The following TNXB variants were observed in gnomAD, a reference collection of about 807,000 sequenced individuals.
TNXB encodes tenascin-X.
A neutral mutation model predicts 340.5 loss-of-function variants in TNXB; 183 were observed. That is an observed-to-expected ratio of 0.54 (90% CI 0.48 to 0.61). The LOEUF (loss-of-function observed/expected upper bound fraction) is 0.61. Ranked by LOEUF, TNXB falls within the 20% of genes least tolerant of loss-of-function variation. The pLI is 0.00. For synonymous variants in TNXB, 2,121 were observed against 2,314.5 expected (o/e 0.92, Z 2.40); for missense variants, 4,613 against 5,446.4 (o/e 0.85, Z 4.82).
At chr6:32,098,267 C>T (rs552607122) in intron 1 of TNXB, 61 bp from the exon 2 acceptor site, 8 of 1,358,138 alleles carry the variant, frequency 5.9e-6, no homozygotes, top group Non-Finnish European at 7.8e-6. Flanking sequence ...TGAATCCCCC[C>T]TTCTCCAGCA....
In TNXB at chr6:32,046,333, T is replaced by C; in HGVS notation, c.10448A>G (p.Tyr3483Cys). 6.2e-7 allele frequency: 1 copy of C among 1,606,076 alleles called. No homozygotes were observed. Residue 3483 changes from tyrosine (Y) to cysteine (C), a missense_variant, in exon 31 of 44, where the codon TAC becomes TGC. Tyr to Cys is a radical substitution (Grantham distance 194). This residue lies in a region of TNXB where 4,327 missense variants were observed against 4,859.4 expected (regional missense o/e 0.89). Transcript: ENST00000644971. This position sits in a 1 kb window ranked among gnomAD's most constrained non-coding sequence, Gnocchi z 6.9. ...CCTGGGCTGCCCGTCCGTGTCCCTG[T>C]ACTGGACCACGAAGGAGTCAAAGGG... ...QGPFDSFVVQ[Y>C]RDTDGQPRAV...
rs117186058 is a variant in TNXB, at chr6:32,048,087, C to T, written c.10046-75G>A. 2.0e-3 allele frequency: 3,036 copies of T among 1,514,516 alleles called. 97 individuals carry two copies. In the East Asian group the frequency reaches 0.064, roughly 32 times the overall value. The allele number at this position is 1,514,516 out of a possible 1,614,324, so 93.8% of individuals were successfully genotyped here. A position where few individuals can be genotyped will look rare whatever the true frequency, so the allele number is the denominator to read the frequency against. On this transcript the variant is annotated intron_variant, in intron 29 of 43. Coordinates refer to ENST00000644971, the MANE Select transcript of TNXB (RefSeq NM_001365276.2). ...CACGGAGCTTCCTGGGCTGCTATGGCTCTGTGAGCCGGTCCCAGGAACGGG... is the reference window on the plus strand; with the variant it reads ...CACGGAGCTTCCTGGGCTGCTATGGTTCTGTGAGCCGGTCCCAGGAACGGG...
rs1582472478 is a variant in TNXB, at chr6:32,095,936, G to A, written c.1917C>T (p.Asp639=). Residue 639 remains aspartate, a synonymous_variant, in exon 3 of 44, where the codon GAC becomes GAT. Transcript: ENST00000644971. ...GRCEEGRCLC[D]PGYTGPTCAT... ...CACAGGTAGGGCCGGTGTAGCCTGG[G>A]TCGCACAGGCAGCGCCCTTCCTCAC... The A allele has an allele frequency of 6.2e-7, 1 of 1,612,996 alleles. No homozygotes were observed.
rs1301445797 is a variant in TNXB, at chr6:32,064,511, G to T, written c.6841+310C>A. On this transcript the variant is annotated intron_variant, in intron 19 of 43. Coordinates refer to ENST00000644971, the MANE Select transcript of TNXB (RefSeq NM_001365276.2). This position sits in a 1 kb window ranked among gnomAD's most constrained non-coding sequence, Gnocchi z 5.3. ...TTACAGGCATGAGCCACCGTGCCCA[G>T]ACAGGTTGTGTGAGTCTCTTGAGGA... 6.6e-6 allele frequency among the ~76,000 whole-genome samples: 1 copy of T among 152,174 alleles called. No homozygotes were observed. Among genetic ancestry groups the T allele is most frequent in the Non-Finnish European group, 1.5e-5 (1 of 68,032 alleles).
In TNXB at chr6:32,096,485, G is replaced by A; in HGVS notation, c.1368C>T (p.Tyr456=). ...TGCGCACACCGCAGTCCTCGCCGCT[G>A]TAGCCCGCATTGCAAACACACACGC... ...ENGVCVCNAG[Y]SGEDCGVRSC... is the part of the protein sequence containing the mutation. Residue 456 remains tyrosine, a synonymous_variant, in exon 3 of 44, where the codon TAC becomes TAT. Transcript: ENST00000644971. The A allele has an allele frequency of 6.2e-7, 1 of 1,600,704 alleles. No individual in the cohort carries two copies. The highest frequency in any genetic ancestry group is 1.7e-5 in the Admixed American group (1 of 59,882).
In TNXB at chr6:32,042,720, C is replaced by T. The variant is rs755749283; in HGVS notation, c.12037G>A (p.Val4013Met). Residue 4013 changes from valine (V) to methionine (M), a missense_variant, in exon 39 of 44, where the codon GTG (valine) becomes ATG (methionine). Around this residue, in one of 7 missense-constraint regions of TNXB, gnomAD observed 121 missense variants for 177.4 expected, o/e 0.68. Transcript: ENST00000644971. ...GTACCCGTGGTGAAAGAGGTGGACACGGGCGGCAGGAGGCTCTGGCCCCAC... is the reference window on the plus strand; with the variant it reads ...GTACCCGTGGTGAAAGAGGTGGACATGGGCGGCAGGAGGCTCTGGCCCCAC... ...AMWGQSLLPPVSTSFTTGGLR... is the reference protein window; with the variant it reads ...AMWGQSLLPPMSTSFTTGGLR... 43 of 1,023,970 alleles carry T rather than the reference C, an allele frequency of 4.2e-5. No individual in the cohort carries two copies. Among genetic ancestry groups the T allele is most frequent in the South Asian group, 1.8e-4 (13 of 73,842 alleles). The allele number at this position is 1,023,970 out of a possible 1,614,324, so 63.4% of individuals were successfully genotyped here.
Position 32,067,132 on chromosome 6 carries a change from GAAGAAAGAAAGAAAGA to G in TNXB, c.6544+513_6544+528del, listed in dbSNP as rs9281648. On this transcript the variant is annotated intron_variant, in intron 18 of 43. Coordinates refer to ENST00000644971, the MANE Select transcript of TNXB (RefSeq NM_001365276.2). The surrounding 1 kb of genome is among the most constrained non-coding windows in gnomAD (Gnocchi z 4.2). Reference sequence around the variant, plus strand: ...AAGAAAGAGAAAGAAAGAAAGGAAGGAAGAAAGAAAGAAAGAAAGAAAGAAAGAAAGAAAGAAAGAA... The same window carrying G: ...AAGAAAGAGAAAGAAAGAAAGGAAGGAAGAAAGAAAGAAAGAAAGAAAGAA... Among the ~76,000 whole-genome samples, 4,369 of 118,042 alleles carry G rather than the reference GAAGAAAGAAAGAAAGA, an allele frequency of 0.037. 134 individuals carry two copies. Among genetic ancestry groups the G allele is most frequent in the East Asian group, 0.075 (304 of 4,068 alleles). The allele number at this position is 118,042 out of a possible 152,430, so 77.4% of individuals were successfully genotyped here.
rs1399927093 is a variant in TNXB at position 32,057,737 on chromosome 6, AC to A, written c.7825+320del. Among the ~76,000 whole-genome samples the A allele has an allele frequency of 5.9e-5, 9 of 151,994 alleles. No individual in the cohort carries two copies. In the East Asian group the frequency reaches 1.7e-3, roughly 29 times the overall value. On this transcript the variant is annotated intron_variant, in intron 22 of 43. Transcript: ENST00000644971. ...CAGCTGTGATTATCTGACACACTTC[AC>A]CTTCTCTCTAAAGCTGTCACCAAGC...
In TNXB at chr6:32,079,333, G is replaced by A. The variant is rs748677323; in HGVS notation, c.4075C>T (p.Pro1359Ser). Residue 1359 changes from proline (P) to serine (S), a missense_variant, in exon 11 of 44, where the codon CCC (proline) becomes TCC (serine). By Grantham distance (74) the Pro-to-Ser change is moderately conservative (BLOSUM62 -1). Coordinates refer to ENST00000644971, the MANE Select transcript of TNXB (RefSeq NM_001365276.2). This position sits in a 1 kb window ranked among gnomAD's most constrained non-coding sequence, Gnocchi z 7.1. ...PQEDVDETPSPTELGTEAPES... is the reference protein window; with the variant it reads ...PQEDVDETPSSTELGTEAPES... ...GGGGCCTCCGTGCCCAGTTCTGTGG[G>A]GCTGGGGGTCTCGTCCACATCCTCC... 3 of 1,610,830 alleles carry A rather than the reference G, an allele frequency of 1.9e-6. No homozygotes were observed. Among genetic ancestry groups the A allele is most frequent in the Admixed American group, 3.3e-5 (2 of 59,816 alleles).
At chr6:32,098,549 C>T (rs1332168725) in intron 1 of TNXB, among the ~76,000 whole-genome samples, 1 of 152,152 alleles carries the variant, frequency 6.6e-6, no homozygotes, top group Non-Finnish European at 1.5e-5. Flanking sequence ...GGTGCGATCT[C>T]AGCTCACCAC....
chr6:32,064,140 G>C lies in TNXB; in HGVS notation c.6841+681C>G, dbSNP rs11753763. On this transcript the variant is annotated intron_variant, in intron 19 of 43. Transcript: ENST00000644971. The surrounding 1 kb of genome is among the most constrained non-coding windows in gnomAD (Gnocchi z 5.3). Reference sequence around the variant, plus strand: ...AGCCACACTCCCGCCCACCCTTCACGACAGGTATGGTTATTCCTTCTTTAC... The same window carrying C: ...AGCCACACTCCCGCCCACCCTTCACCACAGGTATGGTTATTCCTTCTTTAC... Among the ~76,000 whole-genome samples, 738 of 152,278 alleles carry C rather than the reference G, an allele frequency of 4.8e-3. 4 individuals carry two copies. Among genetic ancestry groups the C allele is most frequent in the Middle Eastern group, 0.021 (6 of 292 alleles).
chr6:32,057,883 C>T (rs1039786076), intron 22 of TNXB, among the ~76,000 whole-genome samples, 175 bp downstream of exon 22: 3 of 152,194 alleles, frequency 2.0e-5, no homozygotes, highest in Admixed American at 6.5e-5. Flanking sequence ...GCTCACCCGC[C>T]TTTGCTTCAT....
intron 29 of TNXB, 69 bp downstream of exon 29, chr6:32,048,294 G>A (rs1777027241): frequency 2.1e-6 from 3 of 1,438,832 alleles, no homozygotes; most frequent in African/African-American, 2.8e-5. Flanking sequence ...GGCACAGAAC[G>A]TGAAATTCCA....
Position 32,049,646 on chromosome 6 carries a change from G to C in TNXB, c.9440-59C>G. The C allele has an allele frequency of 1.9e-6, 3 of 1,554,134 alleles. No homozygotes were observed. The South Asian group carries it at 3.5e-5, about 18-fold the overall frequency. On this transcript the variant is annotated intron_variant, in intron 27 of 43. Coordinates refer to ENST00000644971, the MANE Select transcript of TNXB (RefSeq NM_001365276.2). The surrounding 1 kb of genome is among the most constrained non-coding windows in gnomAD (Gnocchi z 4.5). ...GGATGTCCTTGGGTCCTGGGGAAAA[G>C]GAGGGAGAAGCCAAGGCTATGACTG...
In TNXB at chr6:32,084,542, C is replaced by T. The variant is rs2127261868; in HGVS notation, c.3316G>A (p.Val1106Met). 1.2e-6 allele frequency: 2 copies of T among 1,608,712 alleles called. No homozygotes were observed. The highest frequency in any genetic ancestry group is 4.5e-5 in the East Asian group (2 of 44,878). ...YKDRDGQPQV[V>M]PVEGPQRSAV... The stretch of plus-strand genomic sequence containing the variant: ...GAGCGCTGGGGTCCTTCCACGGGCA[C>T]CACCTGGGGCTGCCCGTCCCTGTCT... Residue 1106 changes from valine to methionine, a missense_variant, in exon 8 of 44, where the codon GTG (valine) becomes ATG (methionine). By Grantham distance (21) the Val-to-Met change is conservative. Around this residue, in one of 7 missense-constraint regions of TNXB, gnomAD observed 4,327 missense variants for 4,859.4 expected, o/e 0.89. Coordinates refer to ENST00000644971, the MANE Select transcript of TNXB (RefSeq NM_001365276.2). The surrounding 1 kb of genome is among the most constrained non-coding windows in gnomAD (Gnocchi z 5.5).
rs1179355307 is a variant in TNXB, at chr6:32,052,623, T to G, written c.9115+47A>C. On this transcript the variant is annotated intron_variant, in intron 26 of 43. Coordinates refer to ENST00000644971, the MANE Select transcript of TNXB (RefSeq NM_001365276.2). This position sits in a 1 kb window ranked among gnomAD's most constrained non-coding sequence, Gnocchi z 4.7. ...CACGAAGACTGGAGAGACAGCAGTG[T>G]CTTCCAGGGCCATCTTCCCCACCTC... 6.3e-6 allele frequency: 10 copies of G among 1,592,702 alleles called. No homozygotes were observed. Among genetic ancestry groups the G allele is most frequent in the Non-Finnish European group, 7.7e-6 (9 of 1,163,846 alleles).
In TNXB at chr6:32,097,847, T is replaced by G; in HGVS notation, c.352A>C (p.Lys118Gln). 1 of 1,533,586 alleles carries G rather than the reference T, an allele frequency of 6.5e-7. No homozygotes were observed. Among genetic ancestry groups the G allele is most frequent in the Non-Finnish European group, 8.8e-7 (1 of 1,135,068 alleles). 95.0% of individuals were successfully genotyped at this position (1,533,586 alleles called of 1,614,324 possible). A position where few individuals can be genotyped will look rare whatever the true frequency, so the allele number is the denominator to read the frequency against. Residue 118 changes from lysine to glutamine, a missense_variant, in exon 2 of 44, where the codon AAG (lysine) becomes CAG (glutamine). Physicochemically the swap from Lys to Gln is moderately conservative, Grantham distance 53. Around this residue, in one of 7 missense-constraint regions of TNXB, gnomAD observed 4,327 missense variants for 4,859.4 expected, o/e 0.89. Coordinates refer to ENST00000644971, the MANE Select transcript of TNXB (RefSeq NM_001365276.2). This position sits in a 1 kb window ranked among gnomAD's most constrained non-coding sequence, Gnocchi z 5.9. The part of the protein sequence containing the change: ...EILEELVKGL[K>Q]EQCTGGCCPA... ...CAACATCCCCCAGTGCACTGTTCCT[T>G]GAGCCCCTTCACCAACTCCTCCAGG...
intron 31 of TNXB, chr6:32,045,957 C>T (rs1582335948): frequency 7.7e-7 from 1 of 1,291,880 alleles, no homozygotes; most frequent in South Asian, 2.8e-5. Context: ...TAGAGAGCCC[C>T]TCCCAGGGCC....
chr6:32,049,500 C>G lies in TNXB; in HGVS notation c.9527G>C (p.Gly3176Ala). ...GAGGCTCAGCGAGTCAGGGGAGGAT[C>G]CTGTCACTGTCAACTCCCCCAGGAG... ...EPLLGELTVT[G>A]SSPDSLSLSW... The change falls in exon 28 of 44, where the codon GGA becomes GCA. Residue 3176 changes from glycine to alanine, a missense_variant. Coordinates refer to ENST00000644971, the MANE Select transcript of TNXB (RefSeq NM_001365276.2). This position sits in a 1 kb window ranked among gnomAD's most constrained non-coding sequence, Gnocchi z 4.5. 2 of 1,612,542 alleles carry G rather than the reference C, an allele frequency of 1.2e-6. No individual in the cohort carries two copies. The highest frequency in any genetic ancestry group is 1.7e-6 in the Non-Finnish European group (2 of 1,179,816).
Sources: allele counts gnomAD v4.1 joint callset (sites outside exome capture counted in the v4.1 genomes callset), GRCh38; gene constraint gnomAD v4.1.1; regional missense constraint gnomAD v4.1.1; non-coding constraint Gnocchi (gnomAD v3.1); transcripts MANE v1.5; gene names NCBI Gene and HGNC (gene_info 2026-07-23, HGNC 2026-07-21).